The following PLB1 variants were observed in gnomAD, a reference collection of about 807,000 sequenced individuals.
PLB1 encodes phospholipase B1, also known as phospholipase B1, membrane-associated.
In PLB1, 242 loss-of-function variants were observed where a neutral mutation model predicts 227.4. The observed-to-expected ratio is 1.06, with a 90% CI of 0.96 to 1.18. The LOEUF is 1.18. PLB1 is among the 50% of genes most tolerant of loss of function. PLB1 has a pLI of 0.00. For missense variants in PLB1, 1,858 were observed against 1,816.3 expected (o/e 1.02, Z -0.42); for synonymous variants, 757 against 682.2 (o/e 1.11, Z -1.71).
intron 17 of PLB1, among the ~76,000 whole-genome samples, chr2:28,560,181 G>C (rs771391298): frequency 6.6e-6 from 1 of 152,106 alleles, no homozygotes; most frequent in East Asian, 1.9e-4. Context: ...TCTGTACTAG[G>C]CTTCTTCCAA....
At chr2:28,551,547 G>A (rs1335954924) in intron 16 of PLB1, among the ~76,000 whole-genome samples, 1 of 152,146 alleles carries the variant, frequency 6.6e-6, no homozygotes, top group Non-Finnish European at 1.5e-5. Flanking sequence ...TGAAAGACTC[G>A]ATTTATCAAC....
intron 43 of PLB1, among the ~76,000 whole-genome samples, 175 bp from the exon 44 acceptor site, chr2:28,613,856 G>A (rs1253910918): frequency 6.6e-6 from 1 of 152,144 alleles, no homozygotes; most frequent in Non-Finnish European, 1.5e-5. Context: ...TGCCAAAGCT[G>A]TTATGTAAAA....
chr2:28,536,046 G>A (rs1671639641), intron 9 of PLB1, among the ~76,000 whole-genome samples: 1 of 152,154 alleles, frequency 6.6e-6, no homozygotes, highest in East Asian at 1.9e-4. Flanking sequence ...GGTGTCAAGG[G>A]TTTCCTAAAA....
At chr2:28,622,139 T>A (rs1223839399) in intron 49 of PLB1, among the ~76,000 whole-genome samples, 1 of 152,240 alleles carries the variant, frequency 6.6e-6, no homozygotes, top group African/African-American at 2.4e-5. Context: ...GGATAATTGC[T>A]CTATAACTTT....
In PLB1 at chr2:28,563,022, C is replaced by T; in HGVS notation, c.1148-19C>T. 4 of 1,609,848 alleles carry T rather than the reference C, an allele frequency of 2.5e-6. No homozygotes were observed. Among genetic ancestry groups the T allele is most frequent in the Non-Finnish European group, 3.4e-6 (4 of 1,176,130 alleles). On this transcript the variant is annotated intron_variant, in intron 17 of 57. Transcript: ENST00000327757. ...TCCTGGAAGCCCCATTTTCCACTCA[C>T]TCCTGCTTATATTCTTAGTTCATAG...
intron 54 of PLB1, among the ~76,000 whole-genome samples, chr2:28,631,152 CAAAAAAA>C (rs56107032): frequency 7.3e-6 from 1 of 137,666 alleles, no homozygotes; most frequent in East Asian, 2.1e-4. Flanking sequence ...GACCCTATCT[CAAAAAAA>C]AAAAAAAGAA....
intron 9 of PLB1, among the ~76,000 whole-genome samples, chr2:28,532,926 G>T (rs948114309): frequency 6.6e-6 from 1 of 152,152 alleles, no homozygotes; most frequent in African/African-American, 2.4e-5. Flanking sequence ...TTCAGATTAG[G>T]ATCAGTTGAA....
rs114660087 is a variant in PLB1 at position 28,621,026 on chromosome 2, A to G, written c.3527+48A>G. The G allele has an allele frequency of 3.4e-4, 515 of 1,500,492 alleles. 1 individual carries two copies. The African/African-American group carries it at 6.4e-3, about 19-fold the overall frequency. The allele number at this position is 1,500,492 out of a possible 1,614,324, so 92.9% of individuals were successfully genotyped here. ...GGCGAGTGGAAGGCAAGACTGAGAC[A>G]TCAGGGTGGGAAACCGGAGGAGAGG... On this transcript the variant is annotated intron_variant, in intron 49 of 57. Transcript: ENST00000327757.
At chr2:28,507,182 T>G (rs1667729572) in intron 1 of PLB1, among the ~76,000 whole-genome samples, 1 of 152,194 alleles carries the variant, frequency 6.6e-6, no homozygotes, top group Admixed American at 6.5e-5. Flanking sequence ...GTCTGCTTGT[T>G]CGTCTTCACC....
At chr2:28,604,789 CTT>C (rs773017315) in intron 41 of PLB1, 30 bp downstream of exon 41, 25 of 1,580,554 alleles carry the variant, frequency 1.6e-5, no homozygotes, top group Non-Finnish European at 1.9e-5. Context: ...CCATGGTACT[CTT>C]TTAGAGGAAG....
At chr2:28,520,983 C>A (rs1445709125) in intron 4 of PLB1, among the ~76,000 whole-genome samples, 1 of 151,970 alleles carries the variant, frequency 6.6e-6, no homozygotes, top group Non-Finnish European at 1.5e-5. Flanking sequence ...CTTAAAAAAA[C>A]AAAACAAAAA....
chr2:28,585,608 T>C lies in PLB1; in HGVS notation c.1734-153T>C. 6.1e-6 allele frequency: 4 copies of C among 654,670 alleles called. 1 individual carries two copies. The highest frequency in any genetic ancestry group is 3.7e-5 in the South Asian group (2 of 54,630). 40.6% of individuals were successfully genotyped at this position (654,670 alleles called of 1,614,324 possible). On this transcript the variant is annotated intron_variant, in intron 25 of 57. Coordinates refer to ENST00000327757, the MANE Select transcript of PLB1 (RefSeq NM_153021.5). ...TCTTCTTTAGCTTCGTTTGGTATGG[T>C]CAGCAGGTCAGCCAGCCAGGCTCCT... is the stretch of plus-strand genomic sequence containing the variant.
intron 49 of PLB1, among the ~76,000 whole-genome samples, chr2:28,624,819 G>A (rs912374117): frequency 3.3e-5 from 5 of 152,190 alleles, no homozygotes; most frequent in African/African-American, 1.2e-4. Flanking sequence ...AGGCTTGACG[G>A]GATCCCAACC....
chr2:28,507,767 G>A (rs1157426567), intron 1 of PLB1, among the ~76,000 whole-genome samples: 1 of 152,150 alleles, frequency 6.6e-6, no homozygotes, highest in Non-Finnish European at 1.5e-5. Context: ...GGATATCTGT[G>A]GGCATCAGAG....
At chr2:28,639,289 T>A (rs1352217016) in intron 56 of PLB1, among the ~76,000 whole-genome samples, 1 of 151,224 alleles carries the variant, frequency 6.6e-6, no homozygotes, top group Non-Finnish European at 1.5e-5. Context: ...GACAGAGCTG[T>A]CAACTTTGAT....
At chr2:28,501,494 T>G (rs1406766501) in intron 1 of PLB1, among the ~76,000 whole-genome samples, 1 of 152,210 alleles carries the variant, frequency 6.6e-6, no homozygotes, top group Non-Finnish European at 1.5e-5. Context: ...TTTAATTTTG[T>G]GTTTCTTCTG....
At chr2:28,609,621 G>A (rs1685159701) in intron 43 of PLB1, among the ~76,000 whole-genome samples, 1 of 152,110 alleles carries the variant, frequency 6.6e-6, no homozygotes, top group Non-Finnish European at 1.5e-5. Context: ...ATCCAATCCT[G>A]CCATGACCCC....
intron 20 of PLB1, among the ~76,000 whole-genome samples, chr2:28,572,629 C>T (rs1267281843): frequency 6.6e-6 from 1 of 152,096 alleles, no homozygotes; most frequent in Non-Finnish European, 1.5e-5. Flanking sequence ...AAACCGTACG[C>T]TAAGGGAAAG....
intron 8 of PLB1, among the ~76,000 whole-genome samples, chr2:28,530,274 T>A (rs1670848222): frequency 6.6e-6 from 1 of 152,174 alleles, no homozygotes; most frequent in Admixed American, 6.5e-5. Context: ...CAGGTGAGAC[T>A]GGTTTGAGTT....
Sources: gnomAD v4.1 joint callset for allele counts (sites outside exome capture counted in the v4.1 genomes callset) on GRCh38, gnomAD v4.1.1 for gene constraint, MANE v1.5 for transcripts, NCBI Gene and HGNC (gene_info 2026-07-23, HGNC 2026-07-21) for gene names.